The following OPHN1 variants were observed in gnomAD, a reference collection of about 807,000 sequenced individuals.
OPHN1 encodes oligophrenin 1, also known as oligophrenin-1.
Under a neutral mutation model 60.7 loss-of-function variants are expected in OPHN1, and 11 were observed. The ratio of observed to expected loss-of-function variants is 0.18; its 90% CI spans 0.11 to 0.30. OPHN1 has a LOEUF of 0.30. Ranked by LOEUF, OPHN1 falls within the 10% of genes least tolerant of loss-of-function variation. The pLI is 1.00. For missense variants in OPHN1, 449 were observed against 611.0 expected (o/e 0.73, Z 2.80); for synonymous variants, 226 against 222.6 (o/e 1.02, Z -0.14).
At chrX:68,110,353 T>C (rs2077098962) in intron 18 of OPHN1, among the ~76,000 whole-genome samples, 1 of 112,121 alleles carries the variant, frequency 8.9e-6, no homozygotes, top group African/African-American at 3.2e-5. Context: ...ATTCTTAAAG[T>C]AAGCCAAGCA....
intron 6 of OPHN1, among the ~76,000 whole-genome samples, chrX:68,216,438 C>A (rs1184006856): frequency 9.0e-6 from 1 of 110,774 alleles, no homozygotes; most frequent in Admixed American, 9.7e-5. Flanking sequence ...AAAAGATAGA[C>A]TGTCATAGTG....
At chrX:68,310,490 T>A (rs1400349826) in intron 2 of OPHN1, among the ~76,000 whole-genome samples, 7 of 108,956 alleles carry the variant, frequency 6.4e-5, no homozygotes, top group African/African-American at 2.3e-4. Context: ...CATAAGGGAA[T>A]CCCAAAGAAA....
At chrX:68,350,719 T>C (rs1231158161) in intron 2 of OPHN1, among the ~76,000 whole-genome samples, 2 of 108,330 alleles carry the variant, frequency 1.8e-5, no homozygotes, top group Admixed American at 1.0e-4. Context: ...GTCTCACTTG[T>C]TGCCCAGGCT....
chrX:68,216,931 T>C (rs1362684233), intron 6 of OPHN1, among the ~76,000 whole-genome samples: 5 of 112,081 alleles, frequency 4.5e-5, no homozygotes, highest in Non-Finnish European at 5.6e-5. Flanking sequence ...GGAGCCAAGA[T>C]GGCCGAATAG....
chrX:68,317,368 AAAGAAAGAAAGG>A (rs1478978570), intron 2 of OPHN1, among the ~76,000 whole-genome samples: 25 of 67,257 alleles, frequency 3.7e-4, no homozygotes, highest in South Asian at 3.1e-3. Context: ...AGAAAGAAAG[AAAGAAAGAAAGG>A]AAGGAAGGAA....
chrX:68,338,984 G>A (rs1367386712), intron 2 of OPHN1, among the ~76,000 whole-genome samples: 2 of 106,739 alleles, frequency 1.9e-5, no homozygotes, highest in South Asian at 4.3e-4. Context: ...GAGCCAAGGC[G>A]GAAGGGTCAC....
chrX:68,360,394 C>CTT (rs1347187637), intron 2 of OPHN1, among the ~76,000 whole-genome samples: 1 of 110,726 alleles, frequency 9.0e-6, no homozygotes, highest in Non-Finnish European at 1.9e-5. Flanking sequence ...CCAGGCTGGT[C>CTT]TTGAACTCCC....
chrX:68,324,998 C>T (rs2078253921), intron 2 of OPHN1, among the ~76,000 whole-genome samples: 1 of 111,653 alleles, frequency 9.0e-6, no homozygotes, highest in African/African-American at 3.3e-5. Context: ...CTGCAGTGAG[C>T]TATGATCATG....
chrX:68,073,849 G>T (rs1205916902), intron 19 of OPHN1, among the ~76,000 whole-genome samples: 2 of 112,218 alleles, frequency 1.8e-5, no homozygotes, highest in African/African-American at 6.5e-5. Context: ...AATACAGGGA[G>T]AACAACTGTG....
intron 2 of OPHN1, among the ~76,000 whole-genome samples, chrX:68,378,225 T>C (rs2078572014): frequency 8.9e-6 from 1 of 112,608 alleles, no homozygotes; most frequent in Admixed American, 9.4e-5. Context: ...TGCATAAATG[T>C]CTTCTTTTGA....
chrX:68,399,921 G>T (rs1228798902), intron 2 of OPHN1, among the ~76,000 whole-genome samples: 1 of 108,526 alleles, frequency 9.2e-6, no homozygotes, highest in Non-Finnish European at 1.9e-5. Flanking sequence ...TGCCTCCCGG[G>T]TCCAAGCAAT....
At chrX:68,101,139 A>G (rs1185256222) in intron 18 of OPHN1, among the ~76,000 whole-genome samples, 1 of 112,251 alleles carries the variant, frequency 8.9e-6, no homozygotes. Flanking sequence ...AACAAAGTCC[A>G]TACGATGTCA....
chrX:68,129,152 A>C, intron 15 of OPHN1, among the ~76,000 whole-genome samples: 1 of 112,193 alleles, frequency 8.9e-6, no homozygotes, highest in East Asian at 2.8e-4. Context: ...AATGACTTCT[A>C]AACATATGTA....
At chrX:68,149,848 T>C in intron 15 of OPHN1, among the ~76,000 whole-genome samples, 1 of 111,132 alleles carries the variant, frequency 9.0e-6, no homozygotes, top group Non-Finnish European at 1.9e-5. Context: ...TACATGGACA[T>C]TGATGTTCAT....
At chrX:68,072,963 C>T (rs1201983303) in intron 20 of OPHN1, among the ~76,000 whole-genome samples, 189 bp downstream of exon 20, 2 of 111,735 alleles carry the variant, frequency 1.8e-5, no homozygotes, top group African/African-American at 6.5e-5. Context: ...CATCACCATC[C>T]TATCTGCTGT....
chrX:68,406,608 T>G (rs2078744966), intron 2 of OPHN1, among the ~76,000 whole-genome samples: 1 of 110,025 alleles, frequency 9.1e-6, no homozygotes, highest in African/African-American at 3.3e-5. Context: ...TAAGACTCCA[T>G]CTCCAAAAAA....
At chrX:68,061,899 G>T in intron 21 of OPHN1, among the ~76,000 whole-genome samples, 1 of 111,768 alleles carries the variant, frequency 8.9e-6, no homozygotes, top group Non-Finnish European at 1.9e-5. Context: ...TGTGCTCTGA[G>T]ACAATGCCAT....
intron 2 of OPHN1, among the ~76,000 whole-genome samples, chrX:68,391,453 T>C (rs746197223): frequency 3.6e-5 from 4 of 111,170 alleles, no homozygotes; most frequent in Non-Finnish European, 5.7e-5. Context: ...GTTTTTGTCT[T>C]ACCCTTGTCC....
intron 2 of OPHN1, among the ~76,000 whole-genome samples, chrX:68,363,520 C>T (rs2078484049): frequency 9.1e-6 from 1 of 110,151 alleles, no homozygotes; most frequent in Non-Finnish European, 1.9e-5. Flanking sequence ...CCATGTTGGC[C>T]AGGCTGGTCT....
Sources: gnomAD v4.1 joint callset for allele counts (sites outside exome capture counted in the v4.1 genomes callset) on GRCh38, gnomAD v4.1.1 for gene constraint, MANE v1.5 for transcripts, NCBI Gene and HGNC (gene_info 2026-07-23, HGNC 2026-07-21) for gene names.